Variants in ARSK observed in about 807,000 individuals in gnomAD.
The protein encoded by ARSK is arylsulfatase family member K.
Under a neutral mutation model 53.2 loss-of-function variants are expected in ARSK, and 37 were observed. The observed-to-expected ratio is 0.70, with a 90% CI of 0.54 to 0.92. The LOEUF (loss-of-function observed/expected upper bound fraction) is 0.92, where lower values mean the gene tolerates loss of function less well. Among genes scored for constraint, ARSK ranks in the 40% least tolerant of loss-of-function variants. The probability of loss-of-function intolerance (pLI) is 0.00; values close to 1 mark genes in which losing one functional copy is unlikely to be tolerated. For synonymous variants in ARSK, 208 were observed against 223.2 expected (o/e 0.93, Z 0.61); for missense variants, 613 against 643.0 (o/e 0.95, Z 0.51).
intron 3 of ARSK, chr5:95,580,801 T>C (rs1201308976): frequency 5.5e-6 from 3 of 548,048 alleles, no homozygotes; most frequent in Non-Finnish European, 8.7e-6. Flanking sequence ...TTTAAAGTAC[T>C]GTAGTATATT....
chr5:95,593,676 C>G (rs1245117501), intron 6 of ARSK, among the ~76,000 whole-genome samples: 3 of 152,138 alleles, frequency 2.0e-5, no homozygotes, highest in Non-Finnish European at 4.4e-5. Context: ...TCTCATGCAT[C>G]TACCTATCAT....
chr5:95,595,436 G>C (rs1206210843), intron 6 of ARSK, among the ~76,000 whole-genome samples: 2 of 152,150 alleles, frequency 1.3e-5, no homozygotes, highest in Admixed American at 6.5e-5. Context: ...CCCATTAGTG[G>C]TGGACTGAAT....
chr5:95,569,060 CTGTGTATCCTTTTATGTAATAAATTA>C (rs1252969874), intron 3 of ARSK, among the ~76,000 whole-genome samples: 5 of 152,218 alleles, frequency 3.3e-5, no homozygotes, highest in African/African-American at 1.2e-4. Context: ...GCTGATTTTG[CTGTGTATCCTTTTATGTAATAAATTA>C]TAGCCATGAG....
rs1175469274 is a variant in ARSK, at chr5:95,555,948, GTGTGTTGGTAA to G, written c.126+549_126+559del. On this transcript the variant is annotated intron_variant, in intron 1 of 7. Transcript: ENST00000380009. This position sits in a 1 kb window ranked among gnomAD's most constrained non-coding sequence, Gnocchi z 4.0. ...TTCCAGAGAAATTGTGTGTATGTGT[GTGTGTTGGTAA>G]TGTGGCTGAATCCCAAACTTAAACA... Among the ~76,000 whole-genome samples the G allele has an allele frequency of 1.3e-5, 2 of 152,236 alleles. No individual in the cohort carries two copies. Among genetic ancestry groups the G allele is most frequent in the Admixed American group, 6.5e-5 (1 of 15,286 alleles).
intron 1 of ARSK, among the ~76,000 whole-genome samples, chr5:95,560,526 C>T (rs1748611027): frequency 6.6e-6 from 1 of 151,814 alleles, no homozygotes; most frequent in Admixed American, 6.6e-5. Context: ...GATCTAAAGT[C>T]CAGAAATAAA....
chr5:95,568,141 C>A, intron 3 of ARSK, 92 bp downstream of exon 3: 1 of 1,340,118 alleles, frequency 7.5e-7, no homozygotes, highest in Non-Finnish European at 1.0e-6. Flanking sequence ...TATTTTTCCA[C>A]AAAGGTGAAA....
At chr5:95,597,198 T>C (rs977493081) in intron 6 of ARSK, among the ~76,000 whole-genome samples, 4 of 152,168 alleles carry the variant, frequency 2.6e-5, no homozygotes, top group Non-Finnish European at 5.9e-5. Context: ...TTCATGTGAA[T>C]TGTTTTCTGT....
intron 3 of ARSK, among the ~76,000 whole-genome samples, chr5:95,578,667 T>C (rs1748970718): frequency 6.6e-6 from 1 of 152,154 alleles, no homozygotes; most frequent in Non-Finnish European, 1.5e-5. Flanking sequence ...AAGTCTGAGA[T>C]AGTTAATCAT....
At position 95,566,104 on chromosome 5, in the gene ARSK, C is replaced by T; in HGVS notation, c.233C>T (p.Pro78Leu). 1 of 1,613,498 alleles carries T rather than the reference C, an allele frequency of 6.2e-7. No individual in the cohort carries two copies. Among genetic ancestry groups the T allele is most frequent in the Non-Finnish European group, 8.5e-7 (1 of 1,179,834 alleles). The change falls in exon 2 of 8, where the codon CCA becomes CTA. Residue 78 changes from proline (P) to leucine (L), a missense_variant. Coordinates refer to ENST00000380009, the MANE Select transcript of ARSK (RefSeq NM_198150.3). ...TSFLNAYTNS[P>L]ICCPSRAAMW... is the part of the protein sequence containing the mutation. ...TTTCTGAATGCCTACACAAACTCTC[C>T]AATTTGTTGCCCATCACGCGCAGGT...
At chr5:95,593,738 T>C (rs138363696) in intron 6 of ARSK, among the ~76,000 whole-genome samples, 2 of 152,308 alleles carry the variant, frequency 1.3e-5, no homozygotes, top group Non-Finnish European at 2.9e-5. Context: ...GCTAAGAAAA[T>C]ACTGTCTCAG....
intron 1 of ARSK, among the ~76,000 whole-genome samples, chr5:95,562,236 T>A (rs1748648954): frequency 6.8e-6 from 1 of 147,792 alleles, no homozygotes; most frequent in African/African-American, 2.6e-5. Context: ...AAATTTAAAA[T>A]TAAATAAATA....
intron 3 of ARSK, among the ~76,000 whole-genome samples, chr5:95,580,316 G>C (rs187399751): frequency 2.6e-5 from 4 of 152,278 alleles, no homozygotes; most frequent in Admixed American, 2.6e-4. Context: ...AAAAGTTATA[G>C]CAATTACTGG....
At chr5:95,570,468 C>A (rs1379127818) in intron 3 of ARSK, among the ~76,000 whole-genome samples, 1 of 152,152 alleles carries the variant, frequency 6.6e-6, no homozygotes, top group African/African-American at 2.4e-5. Context: ...CAGTCAGATA[C>A]CCAGCTTCCC....
rs746409212 is a variant in ARSK at position 95,555,319 on chromosome 5, T to C, written c.41T>C (p.Leu14Pro). The C allele has an allele frequency of 5.7e-6, 9 of 1,590,856 alleles. No homozygotes were observed. The highest frequency in any genetic ancestry group is 7.7e-6 in the Non-Finnish European group (9 of 1,172,396). The change falls in exon 1 of 8, where the codon CTG (leucine) becomes CCG (proline). Residue 14 changes from leucine to proline, a missense_variant. Transcript: ENST00000380009. This position sits in a 1 kb window ranked among gnomAD's most constrained non-coding sequence, Gnocchi z 4.0. ...LWVSVVAALA[L>P]AVLAPGAGEQ... is the part of the protein sequence containing the mutation. ...GTGTCGGTGGTCGCAGCCTTGGCGC[T>C]GGCGGTACTGGCCCCCGGAGCAGGG... is the stretch of plus-strand genomic sequence containing the variant.
In ARSK at chr5:95,568,029, T is replaced by A. The variant is rs949215859; in HGVS notation, c.396T>A (p.Thr132=). Residue 132 remains threonine, a synonymous_variant, in exon 3 of 8, where the codon ACT becomes ACA. Coordinates refer to ENST00000380009, the MANE Select transcript of ARSK (RefSeq NM_198150.3). The part of the protein sequence containing the change: ...RTQKFGKLDY[T]SGHHSISNRV... ...AGAAATTTGGGAAACTGGACTATAC[T>A]TCAGGACATCACTCCATTAGGTAAA... is the stretch of plus-strand genomic sequence containing the variant. The A allele has an allele frequency of 6.2e-7, 1 of 1,613,586 alleles. No individual in the cohort carries two copies. Among genetic ancestry groups the A allele is most frequent in the Non-Finnish European group, 8.5e-7 (1 of 1,179,728 alleles).
intron 1 of ARSK, among the ~76,000 whole-genome samples, chr5:95,559,913 A>G (rs1170532760): frequency 6.6e-6 from 1 of 152,234 alleles, no homozygotes; most frequent in Middle Eastern, 3.2e-3. Context: ...AAAAGTATCT[A>G]TACTTGCAGT....
At chr5:95,580,989 T>A in intron 3 of ARSK, 6 of 1,096,268 alleles carry the variant, frequency 5.5e-6, no homozygotes, top group Non-Finnish European at 7.3e-6. Context: ...TCTGCTGCCT[T>A]AACAGTGCTT....
rs1209454108 is a variant in ARSK at position 95,566,688 on chromosome 5, C to T, written c.256+561C>T. On this transcript the variant is annotated intron_variant, in intron 2 of 7. Transcript: ENST00000380009. ...AGTTTTATTGGCAGAATGTCAGTGACATTAAGCCATGAATAATTAACAAAT... is the reference window on the plus strand; with the variant it reads ...AGTTTTATTGGCAGAATGTCAGTGATATTAAGCCATGAATAATTAACAAAT... 2.0e-5 allele frequency among the ~76,000 whole-genome samples: 3 copies of T among 152,126 alleles called. No individual in the cohort carries two copies. In the East Asian group the frequency reaches 5.8e-4, roughly 29 times the overall value.
intron 3 of ARSK, among the ~76,000 whole-genome samples, chr5:95,570,974 G>A (rs530862057): frequency 1.3e-5 from 2 of 152,196 alleles, no homozygotes; most frequent in East Asian, 1.9e-4. Context: ...GTAGAGATGG[G>A]GTTTCACCAT....
Sources: gnomAD v4.1 joint callset for allele counts (sites outside exome capture counted in the v4.1 genomes callset) on GRCh38, gnomAD v4.1.1 for gene constraint, Gnocchi (gnomAD v3.1) non-coding constraint, MANE v1.5 for transcripts, NCBI Gene and HGNC (gene_info 2026-07-23, HGNC 2026-07-21) for gene names.